Variants in PRAMEF15 observed in about 807,000 individuals in gnomAD.
PRAMEF15 encodes PRAME family member 9/15.
Under a neutral mutation model 35.3 loss-of-function variants are expected in PRAMEF15, and 21 were observed. The ratio of observed to expected loss-of-function variants is 0.59; its 90% CI spans 0.42 to 0.86. PRAMEF15 has a LOEUF of 0.86. Among genes scored for constraint, PRAMEF15 ranks in the 40% least tolerant of loss-of-function variants. The pLI, the probability that PRAMEF15 is intolerant of heterozygous loss-of-function variation, is 0.00. For missense variants in PRAMEF15, 360 were observed against 574.1 expected (o/e 0.63, Z 3.81); for synonymous variants, 122 against 223.3 (o/e 0.55, Z 4.05).
At chr1:13,316,166 G>A (rs1281141113) in intron 1 of PRAMEF15, among the ~76,000 whole-genome samples, 2 of 151,562 alleles carry the variant, frequency 1.3e-5, no homozygotes, top group Non-Finnish European at 2.9e-5. Flanking sequence ...ACCATGCCTG[G>A]CTAAGTTTTG....
chr1:13,320,502 C>T (rs1217615787), intron 3 of PRAMEF15, among the ~76,000 whole-genome samples: 9 of 152,108 alleles, frequency 5.9e-5, no homozygotes, highest in Admixed American at 1.3e-4. Context: ...CAGCTCGCAG[C>T]GACTTCTGCC....
chr1:13,315,860 A>T (rs1639995990), intron 1 of PRAMEF15, among the ~76,000 whole-genome samples: 2 of 151,096 alleles, frequency 1.3e-5, no homozygotes, highest in African/African-American at 4.9e-5. Flanking sequence ...GCTTTGGTTG[A>T]TGCCATTTTA....
rs1416481620 is a variant in PRAMEF15, at chr1:13,319,920, C to T, written c.842C>T (p.Ser281Phe). The T allele has an allele frequency of 2.5e-6, 4 of 1,610,146 alleles. No homozygotes were observed. The African/African-American group carries it at 5.3e-5, about 21-fold the overall frequency. Reference protein sequence around the residue: ...CLQKLYMNSVSFLEGHLDQLL... With the variant: ...CLQKLYMNSVFFLEGHLDQLL... The stretch of plus-strand genomic sequence containing the variant: ...CAAAAGCTTTATATGAACTCTGTTT[C>T]TTTCCTCGAAGGCCACCTGGACCAG... Residue 281 changes from serine to phenylalanine, a missense_variant, in exon 3 of 4, where the codon TCT (serine) becomes TTT (phenylalanine). Coordinates refer to ENST00000376152, the MANE Select transcript of PRAMEF15 (RefSeq NM_001098376.3).
chr1:13,315,994 T>G lies in PRAMEF15; in HGVS notation c.-17+336T>G, dbSNP rs1367040588. ...GGACAACATGACAAAAACCCTCCTC[T>G]GCACAACGTTTTTTTTGGGGGTGGG... On this transcript the variant is annotated intron_variant, in intron 1 of 3. Coordinates refer to ENST00000376152, the MANE Select transcript of PRAMEF15 (RefSeq NM_001098376.3). 6.6e-5 allele frequency among the ~76,000 whole-genome samples: 10 copies of G among 150,942 alleles called. No individual in the cohort carries two copies. In the East Asian group the frequency reaches 1.9e-3, roughly 29 times the overall value.
Position 13,319,900 on chromosome 1 carries a change from G to C in PRAMEF15, c.822G>C (p.Lys274Asn), listed in dbSNP as rs1425488988. The C allele has an allele frequency of 1.3e-5, 21 of 1,608,738 alleles. No individual in the cohort carries two copies. Among genetic ancestry groups the C allele is most frequent in the Non-Finnish European group, 1.7e-5 (20 of 1,179,826 alleles). The stretch of plus-strand genomic sequence containing the variant: ...TCCTCAAGCTGCGCTGCCTCCAAAA[G>C]CTTTATATGAACTCTGTTTCTTTCC... ...TQFLKLRCLQ[K>N]LYMNSVSFLE... Residue 274 changes from lysine to asparagine, a missense_variant, in exon 3 of 4, where the codon AAG becomes AAC. This residue lies in a region of PRAMEF15 where 36 missense variants were observed against 164.8 expected (regional missense o/e 0.22). Transcript: ENST00000376152.
chr1:13,318,916 T>C lies in PRAMEF15; in HGVS notation c.293+216T>C, dbSNP rs1163436378. 8.8e-3 allele frequency among the ~76,000 whole-genome samples: 1,338 copies of C among 151,646 alleles called. 5 individuals carry two copies. The highest frequency in any genetic ancestry group is 0.031 in the African/African-American group (1,264 of 41,326). On this transcript the variant is annotated intron_variant, in intron 2 of 3. Coordinates refer to ENST00000376152, the MANE Select transcript of PRAMEF15 (RefSeq NM_001098376.3). ...CCTCTAATGGCACTGAAAGGCACCATGAAAAGTGAGAACTGGGCCGGGCAC... is the reference window on the plus strand; with the variant it reads ...CCTCTAATGGCACTGAAAGGCACCACGAAAAGTGAGAACTGGGCCGGGCAC...
At chr1:13,320,112 G>T (rs1323194970) in intron 3 of PRAMEF15, among the ~76,000 whole-genome samples, 159 bp downstream of exon 3, 1 of 152,092 alleles carries the variant, frequency 6.6e-6, no homozygotes, top group Non-Finnish European at 1.5e-5. Context: ...TCCTGAAATG[G>T]GTATCATGCA....
intron 1 of PRAMEF15, among the ~76,000 whole-genome samples, chr1:13,317,741 A>C (rs1640024996): frequency 6.6e-6 from 1 of 151,388 alleles, no homozygotes; most frequent in African/African-American, 2.4e-5. Flanking sequence ...CCACCACTAC[A>C]CTCCAGGCTG....
rs1404867052 is a variant in PRAMEF15 at position 13,319,408 on chromosome 1, C to T, written c.330C>T (p.Val110=). 3.1e-6 allele frequency: 5 copies of T among 1,612,132 alleles called. No homozygotes were observed. The highest frequency in any genetic ancestry group is 4.2e-6 in the Non-Finnish European group (5 of 1,179,846). The change falls in exon 3 of 4, where the codon GTC becomes GTT. Residue 110 remains valine, a synonymous_variant. Coordinates refer to ENST00000376152, the MANE Select transcript of PRAMEF15 (RefSeq NM_001098376.3). ...TCCAAGTGCTGGATTTACAGGATGT[C>T]TGTGAGAACTTCTGGATGGTTTGGT... ...WKLQVLDLQD[V]CENFWMVWSE... is the part of the protein sequence containing the mutation.
At chr1:13,317,785 G>C (rs1296317638) in intron 1 of PRAMEF15, among the ~76,000 whole-genome samples, 1 of 150,428 alleles carries the variant, frequency 6.6e-6, no homozygotes, top group Non-Finnish European at 1.5e-5. Flanking sequence ...GAAAGAGTGA[G>C]AGAGGGAGAG....
intron 3 of PRAMEF15, 127 bp from the exon 4 acceptor site, chr1:13,321,576 T>C: frequency 7.1e-7 from 1 of 1,408,764 alleles, no homozygotes; most frequent in Non-Finnish European, 9.8e-7. Context: ...GTGTTGACCA[T>C]CAGGCCATCA....
chr1:13,315,588 G>C lies in PRAMEF15; in HGVS notation c.-87G>C, dbSNP rs1220975525. ...TAAAGACCCACAGGAGAGACCCAAA[G>C]TCTTCAAGCCTGGAGTTCCTGCTTG... is the stretch of plus-strand genomic sequence containing the variant. On this transcript the variant is annotated 5_prime_UTR_variant, in exon 1 of 4. Transcript: ENST00000376152. 1 of 151,030 alleles carries C rather than the reference G, an allele frequency of 6.6e-6. No individual in the cohort carries two copies. The highest frequency in any genetic ancestry group is 2.1e-4 in the South Asian group (1 of 4,806). 9.4% of individuals were successfully genotyped at this position (151,030 alleles called of 1,614,324 possible). A position where few individuals can be genotyped will look rare whatever the true frequency, so the allele number is the denominator to read the frequency against.
rs1310164846 is a variant in PRAMEF15, at chr1:13,319,375, G to A, written c.297G>A (p.Arg99=). ...TCTCACCTCTATTTTGCCACAGGAG[G>A]TGGAAACTCCAAGTGCTGGATTTAC... ...ALLTQGVRPR[R]WKLQVLDLQD... The change falls in exon 3 of 4, where the codon AGG becomes AGA. Residue 99 remains arginine, a synonymous_variant. Transcript: ENST00000376152. 2.5e-6 allele frequency: 4 copies of A among 1,610,780 alleles called. 1 individual carries two copies. The highest frequency in any genetic ancestry group is 3.3e-5 in the Admixed American group (2 of 59,928).
In PRAMEF15 at chr1:13,318,437, A is replaced by C; in HGVS notation, c.30A>C (p.Arg10Ser). ...AGATGAGCATCCGGACTCCACCCAGACTCCTGGAGCTTGCAGGGCGGAGCC... is the reference window on the plus strand; with the variant it reads ...AGATGAGCATCCGGACTCCACCCAGCCTCCTGGAGCTTGCAGGGCGGAGCC... MKMSIRTPPRLLELAGRSLL... is the reference protein window; with the variant it reads MKMSIRTPPSLLELAGRSLL... Residue 10 changes from arginine to serine, a missense_variant, in exon 2 of 4, where the codon AGA (arginine) becomes AGC (serine). Physicochemically the swap from Arg to Ser is moderately radical, Grantham distance 110. Transcript: ENST00000376152. The C allele has an allele frequency of 6.2e-7, 1 of 1,613,270 alleles. No homozygotes were observed. Among genetic ancestry groups the C allele is most frequent in the Middle Eastern group, 1.7e-4 (1 of 5,750 alleles).
intron 3 of PRAMEF15, among the ~76,000 whole-genome samples, chr1:13,321,233 A>C (rs1640079600): frequency 7.7e-6 from 1 of 130,428 alleles, no homozygotes; most frequent in African/African-American, 3.0e-5. Context: ...TTTTTTTTTC[A>C]AAACAGAGTC....
chr1:13,319,438 A>C lies in PRAMEF15; in HGVS notation c.360A>C (p.Glu120Asp). ...VCENFWMVWSEAMAHGCFLNA... is the reference protein window; with the variant it reads ...VCENFWMVWSDAMAHGCFLNA... ...AGAACTTCTGGATGGTTTGGTCTGA[A>C]GCTATGGCCCATGGGTGCTTCCTCA... The change falls in exon 3 of 4, where the codon GAA becomes GAC. Residue 120 changes from glutamate to aspartate, a missense_variant. Glu to Asp is a conservative substitution (Grantham distance 45). Transcript: ENST00000376152. 1.2e-6 allele frequency: 2 copies of C among 1,613,100 alleles called. No homozygotes were observed. The highest frequency in any genetic ancestry group is 1.7e-5 in the Admixed American group (1 of 59,978).
intron 1 of PRAMEF15, among the ~76,000 whole-genome samples, chr1:13,316,223 C>T (rs4475746): frequency 0.048 from 7,214 of 151,582 alleles, 19 homozygotes; most frequent in East Asian, 0.24. Flanking sequence ...AGGTTGGTCT[C>T]GAACACCTGA....
intron 1 of PRAMEF15, among the ~76,000 whole-genome samples, chr1:13,316,196 G>A (rs1480352275): frequency 1.3e-5 from 2 of 150,704 alleles, no homozygotes; most frequent in African/African-American, 5.0e-5. Context: ...TAGAGGTGGG[G>A]TTTCACCACG....
Position 13,321,810 on chromosome 1 carries a change from T to C in PRAMEF15, c.983T>C (p.Leu328Pro). ...QCPSISQLKTLDLSGIRLTNY... is the reference protein window; with the variant it reads ...QCPSISQLKTPDLSGIRLTNY... ...CCGAGTATCAGTCAACTAAAGACCCTGGACCTGAGTGGCATCAGACTGACC... is the reference window on the plus strand; with the variant it reads ...CCGAGTATCAGTCAACTAAAGACCCCGGACCTGAGTGGCATCAGACTGACC... Residue 328 changes from leucine (L) to proline (P), a missense_variant, in exon 4 of 4, where the codon CTG (leucine) becomes CCG (proline). This residue lies in a region of PRAMEF15 where 72 missense variants were observed against 79.9 expected (regional missense o/e 0.90). Transcript: ENST00000376152. 1 of 1,608,372 alleles carries C rather than the reference T, an allele frequency of 6.2e-7. No individual in the cohort carries two copies. Among genetic ancestry groups the C allele is most frequent in the Non-Finnish European group, 8.5e-7 (1 of 1,177,546 alleles).
Sources: allele counts gnomAD v4.1 joint callset (sites outside exome capture counted in the v4.1 genomes callset), GRCh38; gene constraint gnomAD v4.1.1; regional missense constraint gnomAD v4.1.1; transcripts MANE v1.5; gene names NCBI Gene and HGNC (gene_info 2026-07-23, HGNC 2026-07-21).